Variants in REDIC1 observed in about 807,000 individuals in gnomAD.
The protein encoded by REDIC1 is HEI10 Interacting Protein 1.
At chr12:39,840,134 C>T in the REDIC1 span, among the ~76,000 whole-genome samples, 7 of 152,006 alleles carry the variant, frequency 4.6e-5, no homozygotes, top group East Asian at 5.8e-4. Flanking sequence ...TGGGTTTAAG[C>T]GATTTTCCTG....
chr12:39,631,308 G>A, the REDIC1 span, among the ~76,000 whole-genome samples: 1 of 152,122 alleles, frequency 6.6e-6, no homozygotes, highest in Non-Finnish European at 1.5e-5. Flanking sequence ...AACTTTTGAA[G>A]CTCTTAGTAA....
At chr12:39,876,264 C>T in the REDIC1 span, among the ~76,000 whole-genome samples, 1 of 152,160 alleles carries the variant, frequency 6.6e-6, no homozygotes, top group Non-Finnish European at 1.5e-5. Flanking sequence ...AAATCTGACT[C>T]ACACAAAACA....
the REDIC1 span, among the ~76,000 whole-genome samples, chr12:39,712,061 C>G: frequency 4.4e-5 from 3 of 68,074 alleles, no homozygotes; most frequent in African/African-American, 1.3e-4. Flanking sequence ...TGTATATATA[C>G]ATGTATATAT....
At chr12:39,752,667 CAAGAA>C in the REDIC1 span, among the ~76,000 whole-genome samples, 2 of 152,108 alleles carry the variant, frequency 1.3e-5, no homozygotes, top group African/African-American at 4.8e-5. Flanking sequence ...CTGAAAATCA[CAAGAA>C]AAGAACTGGA....
At chr12:39,718,512 C>A in the REDIC1 span, among the ~76,000 whole-genome samples, 1 of 152,082 alleles carries the variant, frequency 6.6e-6, no homozygotes, top group Non-Finnish European at 1.5e-5. Flanking sequence ...TGGTGTTTAT[C>A]CTTCCCTTCA....
chr12:39,706,955 C>G, the REDIC1 span, among the ~76,000 whole-genome samples: 3 of 151,884 alleles, frequency 2.0e-5, no homozygotes, highest in African/African-American at 7.2e-5. Flanking sequence ...GTAAAAATTT[C>G]TTGAGTAATA....
the REDIC1 span, among the ~76,000 whole-genome samples, chr12:39,693,494 G>A: frequency 9.4e-5 from 14 of 148,720 alleles, no homozygotes; most frequent in South Asian, 2.1e-4. Context: ...ATATAAACAC[G>A]TAAATACCCA....
the REDIC1 span, among the ~76,000 whole-genome samples, chr12:39,712,974 TATATATACATGTGTATATACGTGTATATG>T: frequency 4.8e-5 from 1 of 20,730 alleles, no homozygotes; most frequent in Non-Finnish European, 1.1e-4. Flanking sequence ...CGTGTATATG[TATATATACATGTGTATATACGTGTATATG>T]TATATATACA....
At chr12:39,666,634 A>G in the REDIC1 span, among the ~76,000 whole-genome samples, 1 of 152,220 alleles carries the variant, frequency 6.6e-6, no homozygotes, top group Non-Finnish European at 1.5e-5. Context: ...TAGTTTCAGA[A>G]GAAATGGTAC....
At chr12:39,714,200 T>C in the REDIC1 span, among the ~76,000 whole-genome samples, 2 of 75,756 alleles carry the variant, frequency 2.6e-5, no homozygotes, top group East Asian at 7.9e-4. Flanking sequence ...TGTATATATG[T>C]ATATACATGC....
chr12:39,898,917 GA>G, the REDIC1 span, among the ~76,000 whole-genome samples: 2 of 152,130 alleles, frequency 1.3e-5, no homozygotes, highest in Non-Finnish European at 2.9e-5. Flanking sequence ...AGGAGAGAAG[GA>G]AAAGAAGAGT....
the REDIC1 span, among the ~76,000 whole-genome samples, chr12:39,701,759 C>G: frequency 6.6e-6 from 1 of 152,132 alleles, no homozygotes; most frequent in African/African-American, 2.4e-5. Context: ...ACAGTGCAAT[C>G]AAACTAGAAC....
the REDIC1 span, among the ~76,000 whole-genome samples, chr12:39,713,670 T>C: frequency 6.7e-6 from 1 of 149,750 alleles, no homozygotes; most frequent in East Asian, 1.9e-4. Flanking sequence ...CGTATATACA[T>C]ATGTATGTAT....
chr12:39,712,799 ATG>A, the REDIC1 span, among the ~76,000 whole-genome samples: 9 of 89,230 alleles, frequency 1.0e-4, 1 homozygote, highest in Admixed American at 2.5e-4. Flanking sequence ...ATATGTATAT[ATG>A]TGTATACTCG....
At chr12:39,676,812 A>G in the REDIC1 span, among the ~76,000 whole-genome samples, 1 of 152,182 alleles carries the variant, frequency 6.6e-6, no homozygotes, top group African/African-American at 2.4e-5. Context: ...TAGCCTCCTT[A>G]AACAAAATAA....
At chr12:39,680,835 G>A in the REDIC1 span, among the ~76,000 whole-genome samples, 21 of 152,056 alleles carry the variant, frequency 1.4e-4, no homozygotes, top group African/African-American at 4.8e-4. Context: ...CCATAAAAAG[G>A]AATGAAATTA....
the REDIC1 span, among the ~76,000 whole-genome samples, chr12:39,753,795 C>A: frequency 6.6e-6 from 1 of 152,142 alleles, no homozygotes; most frequent in Non-Finnish European, 1.5e-5. Flanking sequence ...TCATTGATAA[C>A]CTTCACTACA....
At chr12:39,792,693 T>C in the REDIC1 span, among the ~76,000 whole-genome samples, 1,302 of 152,204 alleles carry the variant, frequency 8.6e-3, 26 homozygotes, top group African/African-American at 0.029. Flanking sequence ...AAGTCAGATA[T>C]AGATACCAAA....
At chr12:39,654,706 T>G in the REDIC1 span, among the ~76,000 whole-genome samples, 1 of 152,240 alleles carries the variant, frequency 6.6e-6, no homozygotes, top group African/African-American at 2.4e-5. Context: ...TCTGAATTTT[T>G]TATTTCTTCG....
Sources: allele counts gnomAD v4.1 joint callset (sites outside exome capture counted in the v4.1 genomes callset), GRCh38; gene constraint gnomAD v4.1.1; transcripts MANE v1.5; gene names NCBI Gene and HGNC (gene_info 2026-07-23, HGNC 2026-07-21).